Variants in FYB2 observed in about 807,000 individuals in gnomAD.
The protein encoded by FYB2 is FYN binding protein 2, also known as FYN-binding protein 2.
In FYB2, 103 loss-of-function variants were observed where a neutral mutation model predicts 94.1. The ratio of observed to expected loss-of-function variants is 1.09; its 90% CI spans 0.93 to 1.29. The LOEUF is 1.29. FYB2 is among the 50% of genes most tolerant of loss of function. The pLI is 0.00. For missense variants in FYB2, 896 were observed against 841.5 expected, an observed-to-expected ratio of 1.06 and a Z score of -0.80; for synonymous variants, 293 against 287.9, an observed-to-expected ratio of 1.02 and a Z score of -0.18.
chr1:56,731,446 C>T lies in FYB2; in HGVS notation c.1794-4863G>A, dbSNP rs141855804. Among the ~76,000 whole-genome samples, 136 of 152,218 alleles carry T rather than the reference C, an allele frequency of 8.9e-4. 2 individuals are homozygous for T. Among genetic ancestry groups the T allele is most frequent in the African/African-American group, 3.1e-3 (130 of 41,554 alleles). The stretch of plus-strand genomic sequence containing the variant: ...CCTCCCACTTCTGCCTCCCAAAGAG[C>T]TAGGTTTAGAGGCATGAGCCACTGC... On this transcript the variant is annotated intron_variant, in intron 15 of 19. Transcript: ENST00000343433.
chr1:56,826,126 C>A, the FYB2 span, among the ~76,000 whole-genome samples: 1 of 152,226 alleles, frequency 6.6e-6, no homozygotes, highest in South Asian at 2.1e-4. Flanking sequence ...CTAGCTTCAC[C>A]TCAGGAGATG....
At chr1:56,779,660 T>C (rs1557641092) in intron 4 of FYB2, among the ~76,000 whole-genome samples, 1 of 152,228 alleles carries the variant, frequency 6.6e-6, no homozygotes, top group Non-Finnish European at 1.5e-5. Context: ...CTTCTCCCCA[T>C]CATTTTGTTT....
chr1:56,737,941 C>T (rs79116033), intron 14 of FYB2, among the ~76,000 whole-genome samples: 2,048 of 152,068 alleles, frequency 0.013, 44 homozygotes, highest in African/African-American at 0.046. Context: ...TTTAGTTCAG[C>T]AAACTCATAT....
intron 19 of FYB2, 139 bp from the exon 20 acceptor site, chr1:56,719,831 T>A: frequency 9.6e-7 from 1 of 1,036,702 alleles, no homozygotes; most frequent in Non-Finnish European, 1.4e-6. Context: ...TGTAGAGAAG[T>A]TTGATAGCAT....
intron 4 of FYB2, 118 bp from the exon 5 acceptor site, chr1:56,768,056 G>A: frequency 1.4e-6 from 1 of 701,230 alleles, no homozygotes; most frequent in South Asian, 2.0e-5. Context: ...GGTGACCTAA[G>A]CATATATGGG....
chr1:56,740,342 G>T (rs936625498), intron 13 of FYB2, among the ~76,000 whole-genome samples: 1 of 152,034 alleles, frequency 6.6e-6, no homozygotes, highest in Non-Finnish European at 1.5e-5. Context: ...GGCTTGTAGG[G>T]CCCCAAAAGC....
In FYB2 at chr1:56,719,334, C is replaced by T; in HGVS notation, c.*337G>A. ...ATATTAGAAGCAAACTAACCATCTG[C>T]ACAACTGACTAGGTGCCATAAGGCA... is the stretch of plus-strand genomic sequence containing the variant. On this transcript the variant is annotated 3_prime_UTR_variant, in exon 20 of 20. Transcript: ENST00000343433. The T allele has an allele frequency of 4.3e-6, 1 of 232,946 alleles. No homozygotes were observed. The allele number at this position is 232,946 out of a possible 1,614,324, so 14.4% of individuals were successfully genotyped here. A position where few individuals can be genotyped will look rare whatever the true frequency, so the allele number is the denominator to read the frequency against.
intron 1 of FYB2, among the ~76,000 whole-genome samples, chr1:56,816,990 T>C (rs1356919281): frequency 6.6e-6 from 1 of 152,194 alleles, no homozygotes. Flanking sequence ...CTCTCTTGCT[T>C]GGATTACTGC....
intron 1 of FYB2, among the ~76,000 whole-genome samples, chr1:56,810,839 T>G (rs1259403315): frequency 2.0e-5 from 3 of 152,194 alleles, no homozygotes; most frequent in Non-Finnish European, 4.4e-5. Context: ...GATGTTGTCA[T>G]TTTTCTGATT....
At chr1:56,756,567 A>T (rs1012927162) in intron 6 of FYB2, among the ~76,000 whole-genome samples, 1 of 152,160 alleles carries the variant, frequency 6.6e-6, no homozygotes, top group Non-Finnish European at 1.5e-5. Flanking sequence ...CTCTCCTTTG[A>T]GGGCAGCCCT....
At chr1:56,745,371 A>T (rs1645044841) in intron 9 of FYB2, among the ~76,000 whole-genome samples, 1 of 151,986 alleles carries the variant, frequency 6.6e-6, no homozygotes, top group African/African-American at 2.4e-5. Context: ...TTCCAAACCA[A>T]AATCATAATT....
chr1:56,721,433 A>G (rs1190997151), intron 17 of FYB2, among the ~76,000 whole-genome samples: 2 of 152,036 alleles, frequency 1.3e-5, no homozygotes, highest in African/African-American at 4.8e-5. Context: ...CCTATACCAA[A>G]TGAGATCAGA....
chr1:56,787,287 T>C (rs1316675727), intron 3 of FYB2, 79 bp from the exon 4 acceptor site: 2 of 1,538,646 alleles, frequency 1.3e-6, no homozygotes, highest in African/African-American at 2.7e-5. Flanking sequence ...TGTGATGACT[T>C]GATCCCACAG....
intron 1 of FYB2, among the ~76,000 whole-genome samples, chr1:56,814,967 C>T (rs771732408): frequency 2.2e-4 from 34 of 152,184 alleles, no homozygotes; most frequent in Admixed American, 7.9e-4. Flanking sequence ...CAGAGCATGA[C>T]AAGACCTCAG....
intron 16 of FYB2, among the ~76,000 whole-genome samples, chr1:56,724,700 A>G (rs949924976): frequency 1.3e-5 from 2 of 151,964 alleles, no homozygotes; most frequent in Admixed American, 6.6e-5. Flanking sequence ...TGGCCTGATC[A>G]TCTTTCCAGC....
chr1:56,751,913 G>T (rs1645208132), intron 8 of FYB2, among the ~76,000 whole-genome samples: 1 of 152,002 alleles, frequency 6.6e-6, no homozygotes, highest in Admixed American at 6.6e-5. Flanking sequence ...TGAGGAGGTT[G>T]GTTCTCTTGG....
chr1:56,752,190 T>C (rs1001131678), intron 8 of FYB2, among the ~76,000 whole-genome samples: 8 of 151,962 alleles, frequency 5.3e-5, no homozygotes, highest in African/African-American at 1.9e-4. Context: ...GGCTGAGTTA[T>C]GAAGGGTCTT....
At chr1:56,819,259 C>A (rs759306751) in intron 1 of FYB2, 23 bp downstream of exon 1, 1 of 1,614,234 alleles carries the variant, frequency 6.2e-7, no homozygotes, top group South Asian at 1.1e-5. Flanking sequence ...AGAAAGCCAG[C>A]AACAAAACTG....
At chr1:56,821,412 A>T (rs573011580), upstream of FYB2, among the ~76,000 whole-genome samples, 2 of 151,968 alleles carry the variant, frequency 1.3e-5, no homozygotes, top group South Asian at 4.2e-4. Flanking sequence ...AAGAGCTATG[A>T]CTCTTGGAAT....
Sources: allele counts gnomAD v4.1 joint callset (sites outside exome capture counted in the v4.1 genomes callset), GRCh38; gene constraint gnomAD v4.1.1; transcripts MANE v1.5; gene names NCBI Gene and HGNC (gene_info 2026-07-23, HGNC 2026-07-21).